AADACL2: variants seen among roughly 807,000 people sequenced by gnomAD.
AADACL2 encodes the protein arylacetamide deacetylase like 2.
Under a neutral mutation model 22.3 loss-of-function variants are expected in AADACL2, and 23 were observed. That is an observed-to-expected ratio of 1.03 (90% CI 0.74 to 1.46). AADACL2 has a LOEUF of 1.46. Ranked by LOEUF, AADACL2 falls within the 40% of genes most tolerant of loss-of-function variation. The probability of loss-of-function intolerance (pLI) is 0.00; values close to 1 mark genes in which losing one functional copy is unlikely to be tolerated. For missense variants in AADACL2, 472 were observed against 482.9 expected, an observed-to-expected ratio of 0.98 and a Z score of 0.21; for synonymous variants, 177 against 166.2, an observed-to-expected ratio of 1.07 and a Z score of -0.50.
chr3:151,753,160 C>T (rs1278489874), intron 4 of AADACL2, among the ~76,000 whole-genome samples: 2 of 152,094 alleles, frequency 1.3e-5, no homozygotes, highest in African/African-American at 4.8e-5. Context: ...GTTTGTTTAC[C>T]TCTGTGTAAT....
At chr3:151,744,229 T>C in intron 3 of AADACL2, 67 bp downstream of exon 3, 2 of 1,436,424 alleles carry the variant, frequency 1.4e-6, no homozygotes, top group African/African-American at 1.4e-5. Context: ...GATTTCCACA[T>C]CAAGTCAGCT....
At position 151,759,410 on chromosome 3, in the gene AADACL2, T is replaced by C. The variant is rs1248941355; in HGVS notation, c.*1816T>C. On this transcript the variant is annotated 3_prime_UTR_variant, in exon 5 of 5. Coordinates refer to ENST00000356517, the MANE Select transcript of AADACL2 (RefSeq NM_207365.4). ...CTCTCTAGGAAGCACATTTTGTTGA[T>C]TGTCCTATTGTCTGAACATTTTCAC... The C allele has an allele frequency of 6.6e-6, 1 of 152,164 alleles. No homozygotes were observed. Among genetic ancestry groups the C allele is most frequent in the Non-Finnish European group, 1.5e-5 (1 of 68,004 alleles). 9.4% of individuals were successfully genotyped at this position (152,164 alleles called of 1,614,324 possible). A position where few individuals can be genotyped will look rare whatever the true frequency, so the allele number is the denominator to read the frequency against.
intron 4 of AADACL2, 52 bp downstream of exon 4, chr3:151,745,732 T>C: frequency 1.3e-6 from 2 of 1,523,606 alleles, no homozygotes; most frequent in Non-Finnish European, 1.8e-6. Context: ...GCTCATTTTT[T>C]TTCTATAGAT....
chr3:151,739,810 T>G (rs1397392829), intron 1 of AADACL2, among the ~76,000 whole-genome samples: 1 of 152,170 alleles, frequency 6.6e-6, no homozygotes, highest in East Asian at 1.9e-4. Flanking sequence ...CTTAGCACTG[T>G]CAGGGGAAAA....
intron 4 of AADACL2, among the ~76,000 whole-genome samples, chr3:151,749,799 T>A (rs896221903): frequency 6.6e-6 from 1 of 152,178 alleles, no homozygotes; most frequent in African/African-American, 2.4e-5. Context: ...TTTTACTTCT[T>A]TCTCATTTGG....
In AADACL2 at chr3:151,758,492, T is replaced by A. The variant is rs949412502; in HGVS notation, c.*898T>A. The A allele has an allele frequency of 1.3e-5, 2 of 152,154 alleles. No individual in the cohort carries two copies. Among genetic ancestry groups the A allele is most frequent in the African/African-American group, 4.8e-5 (2 of 41,450 alleles). 9.4% of individuals were successfully genotyped at this position (152,154 alleles called of 1,614,324 possible). On this transcript the variant is annotated 3_prime_UTR_variant, in exon 5 of 5. Coordinates refer to ENST00000356517, the MANE Select transcript of AADACL2 (RefSeq NM_207365.4). ...ACCTTCAGAGATTAGGATGTAGTTA[T>A]CTTTTGGGAGGCCATTTTTAAAAAT...
chr3:151,748,705 C>T (rs759606343), intron 4 of AADACL2, among the ~76,000 whole-genome samples: 4 of 152,174 alleles, frequency 2.6e-5, no homozygotes, highest in African/African-American at 4.8e-5. Context: ...TGCAGATACC[C>T]GGTTCTCTTT....
chr3:151,753,030 T>C (rs1024376158), intron 4 of AADACL2, among the ~76,000 whole-genome samples: 21 of 152,332 alleles, frequency 1.4e-4, no homozygotes, highest in African/African-American at 5.1e-4. Context: ...TAGCAAATAT[T>C]AATCAGAAAT....
At chr3:151,740,891 A>C in intron 2 of AADACL2, 23 bp downstream of exon 2, 1 of 1,600,704 alleles carries the variant, frequency 6.2e-7, no homozygotes, top group Non-Finnish European at 8.6e-7. Flanking sequence ...TATAAGGAAA[A>C]AGTGTAGCTA....
At chr3:151,737,037 T>G (rs1713110720) in intron 1 of AADACL2, among the ~76,000 whole-genome samples, 1 of 152,208 alleles carries the variant, frequency 6.6e-6, no homozygotes, top group Non-Finnish European at 1.5e-5. Flanking sequence ...CTCTAGTTCT[T>G]TTAATTGCGA....
Position 151,757,577 on chromosome 3 carries a change from C to A in AADACL2, c.1189C>A (p.Leu397Met). 6.2e-7 allele frequency: 1 copy of A among 1,607,332 alleles called. No homozygotes were observed. The highest frequency in any genetic ancestry group is 1.1e-5 in the South Asian group (1 of 90,160). ...LRIRDMYVSWLDKNL is the reference protein window; with the variant it reads ...LRIRDMYVSWMDKNL ...GATAAGAGATATGTATGTAAGTTGG[C>A]TGGATAAGAATTTATAAATATGTGA... The change falls in exon 5 of 5, where the codon CTG (leucine) becomes ATG (methionine). Residue 397 changes from leucine to methionine, a missense_variant. Coordinates refer to ENST00000356517, the MANE Select transcript of AADACL2 (RefSeq NM_207365.4).
At chr3:151,754,096 C>A (rs751915718) in intron 4 of AADACL2, among the ~76,000 whole-genome samples, 10 of 152,070 alleles carry the variant, frequency 6.6e-5, no homozygotes, top group Non-Finnish European at 1.2e-4. Flanking sequence ...TAAAATGACA[C>A]AGGGCATGAA....
rs1714049086 is a variant in AADACL2 at position 151,758,791 on chromosome 3, C to T, written c.*1197C>T. 6.6e-6 allele frequency: 1 copy of T among 151,952 alleles called. No individual in the cohort carries two copies. Among genetic ancestry groups the T allele is most frequent in the East Asian group, 1.9e-4 (1 of 5,188 alleles). 9.4% of individuals were successfully genotyped at this position (151,952 alleles called of 1,614,324 possible). On this transcript the variant is annotated 3_prime_UTR_variant, in exon 5 of 5. Coordinates refer to ENST00000356517, the MANE Select transcript of AADACL2 (RefSeq NM_207365.4). ...ATTAAGCATAGTCAGTTGAATCCAA[C>T]TAAGAAGTTAAAAATGTAGTAAGAA...
chr3:151,738,934 G>A (rs1576610894), intron 1 of AADACL2, among the ~76,000 whole-genome samples: 4 of 152,180 alleles, frequency 2.6e-5, no homozygotes, highest in Admixed American at 2.6e-4. Flanking sequence ...TTGCATTGGG[G>A]TAGAACATGC....
At chr3:151,753,898 A>G (rs965836557) in intron 4 of AADACL2, among the ~76,000 whole-genome samples, 4 of 152,080 alleles carry the variant, frequency 2.6e-5, no homozygotes, top group Non-Finnish European at 4.4e-5. Flanking sequence ...AAGGGCCGTA[A>G]TATGTTCCCT....
chr3:151,753,043 T>C (rs570190327), intron 4 of AADACL2, among the ~76,000 whole-genome samples: 1 of 152,180 alleles, frequency 6.6e-6, no homozygotes, highest in Non-Finnish European at 1.5e-5. Flanking sequence ...TCAGAAATTA[T>C]AATTAATGGT....
Position 151,740,772 on chromosome 3 carries a change from A to G in AADACL2, c.265A>G (p.Ile89Val), listed in dbSNP as rs150575338. 2.1e-4 allele frequency: 345 copies of G among 1,613,946 alleles called. No homozygotes were observed. The highest frequency in any genetic ancestry group is 6.8e-5 in the Non-Finnish European group (80 of 1,179,962). ...ITVTDTTFVD[I>V]PVRLYLPKRK... is the part of the protein sequence containing the mutation. ...AGTGACTGATACAACATTTGTTGAC[A>G]TTCCAGTACGATTGTACTTGCCAAA... Residue 89 changes from isoleucine to valine, a missense_variant, in exon 2 of 5, where the codon ATT becomes GTT. Ile to Val is a conservative substitution (Grantham distance 29). Around this residue, in one of 3 missense-constraint regions of AADACL2, gnomAD observed 356 missense variants for 365.5 expected, o/e 0.97. Coordinates refer to ENST00000356517, the MANE Select transcript of AADACL2 (RefSeq NM_207365.4).
At chr3:151,739,001 T>C (rs940953652) in intron 1 of AADACL2, among the ~76,000 whole-genome samples, 1 of 152,208 alleles carries the variant, frequency 6.6e-6, no homozygotes, top group African/African-American at 2.4e-5. Context: ...CTTCTGTCAA[T>C]TCGTCAATCT....
chr3:151,752,172 T>C (rs1713696332), intron 4 of AADACL2, among the ~76,000 whole-genome samples: 1 of 152,226 alleles, frequency 6.6e-6, no homozygotes, highest in Non-Finnish European at 1.5e-5. Context: ...CAACTTTTAC[T>C]TTGAAATTAT....
Sources: gnomAD v4.1 joint callset for allele counts (sites outside exome capture counted in the v4.1 genomes callset) on GRCh38, gnomAD v4.1.1 for gene constraint, gnomAD v4.1.1 regional missense constraint, MANE v1.5 for transcripts, NCBI Gene and HGNC (gene_info 2026-07-23, HGNC 2026-07-21) for gene names.